The following SYT7 variants were observed in gnomAD, a reference collection of about 807,000 sequenced individuals.
The protein encoded by SYT7 is synaptotagmin 7, also known as synaptotagmin-7.
In SYT7, 29 loss-of-function variants were observed where a neutral mutation model predicts 75.1. That is an observed-to-expected ratio of 0.39 (90% CI 0.29 to 0.53). The LOEUF (loss-of-function observed/expected upper bound fraction) is 0.53, where lower values mean the gene tolerates loss of function less well. Ranked by LOEUF, SYT7 falls within the 20% of genes least tolerant of loss-of-function variation. SYT7 has a pLI of 0.77. For missense variants in SYT7, 693 were observed against 953.2 expected (o/e 0.73, Z 3.59); for synonymous variants, 376 against 401.7 (o/e 0.94, Z 0.76).
At chr11:61,565,511 G>A (rs1156827334) in intron 1 of SYT7, among the ~76,000 whole-genome samples, 1 of 152,210 alleles carries the variant, frequency 6.6e-6, no homozygotes, top group Non-Finnish European at 1.5e-5. Context: ...TCTTTCCACT[G>A]TAAGACTCTC....
chr11:61,547,654 G>C (rs999767487), intron 3 of SYT7, among the ~76,000 whole-genome samples: 1 of 151,678 alleles, frequency 6.6e-6, no homozygotes, highest in Non-Finnish European at 1.5e-5. Context: ...AGAGGAGGGG[G>C]ACAGAGGGGA....
At position 61,517,080 on chromosome 11, in the gene SYT7, C is replaced by A. The variant is rs902683217; in HGVS notation, c.*1547G>T. Reference sequence around the variant, plus strand: ...GTGGAACTGGGGGCTAAGACCACGGCCACAGACTGTGGGGGCCTGGCGCCA... The same window carrying A: ...GTGGAACTGGGGGCTAAGACCACGGACACAGACTGTGGGGGCCTGGCGCCA... On this transcript the variant is annotated 3_prime_UTR_variant, in exon 13 of 13. Coordinates refer to ENST00000539008, the MANE Select transcript of SYT7 (RefSeq NM_001365809.2). The A allele has an allele frequency of 2.3e-5, 9 of 394,650 alleles. No homozygotes were observed. The highest frequency in any genetic ancestry group is 1.8e-4 in the African/African-American group (9 of 48,666). 24.4% of individuals were successfully genotyped at this position (394,650 alleles called of 1,614,324 possible). A position where few individuals can be genotyped will look rare whatever the true frequency, so the allele number is the denominator to read the frequency against.
intron 1 of SYT7, among the ~76,000 whole-genome samples, chr11:61,563,322 T>C (rs1478426553): frequency 1.3e-5 from 2 of 152,190 alleles, no homozygotes; most frequent in African/African-American, 4.8e-5. Context: ...GCAAGGCCCA[T>C]GCTGGGCCTG....
At chr11:61,545,467 G>A (rs968914078) in intron 5 of SYT7, among the ~76,000 whole-genome samples, 2 of 152,246 alleles carry the variant, frequency 1.3e-5, no homozygotes, top group Admixed American at 6.5e-5. Context: ...GCGGCTGCTC[G>A]TGAGTGGCTT....
intron 1 of SYT7, among the ~76,000 whole-genome samples, chr11:61,563,636 C>G (rs1264104010): frequency 6.6e-6 from 1 of 152,208 alleles, no homozygotes; most frequent in East Asian, 1.9e-4. Context: ...CCTAGCCACA[C>G]TTTCCTCTTT....
At position 61,546,053 on chromosome 11, in the gene SYT7, C is replaced by T. The variant is rs77128898; in HGVS notation, c.550G>A (p.Ala184Thr). ...CACTTGGACAAGTTGAGCTTCCCTG[C>T]GGCCAGGTGGCTCTGCACCGTCCGC... Reference protein sequence around the residue: ...RWRTVQSHLAAGKLNLSNFED... With the variant: ...RWRTVQSHLATGKLNLSNFED... The change falls in exon 5 of 13, where the codon GCA becomes ACA. Residue 184 changes from alanine (A) to threonine (T), a missense_variant. Coordinates refer to ENST00000539008, the MANE Select transcript of SYT7 (RefSeq NM_001365809.2). The surrounding 1 kb of genome is among the most constrained non-coding windows in gnomAD (Gnocchi z 7.6). The T allele has an allele frequency of 0.032, 49,392 of 1,533,318 alleles. 958 individuals are homozygous for T. The highest frequency in any genetic ancestry group is 0.037 in the Non-Finnish European group (42,151 of 1,145,694). 95.0% of individuals were successfully genotyped at this position (1,533,318 alleles called of 1,614,324 possible).
chr11:61,556,794 C>T (rs1437550727), intron 1 of SYT7, among the ~76,000 whole-genome samples: 1 of 152,182 alleles, frequency 6.6e-6, no homozygotes, highest in African/African-American at 2.4e-5. Context: ...CTCTGGAACC[C>T]TCTGGCCAGC....
At chr11:61,560,700 G>A (rs564388729) in intron 1 of SYT7, among the ~76,000 whole-genome samples, 8 of 152,260 alleles carry the variant, frequency 5.3e-5, no homozygotes, top group Admixed American at 2.6e-4. Flanking sequence ...GCATGTTCTC[G>A]CCTACCAGCC....
chr11:61,551,293 G>T lies in SYT7; in HGVS notation c.215+91C>A. 8.4e-7 allele frequency: 1 copy of T among 1,191,376 alleles called. No individual in the cohort carries two copies. The highest frequency in any genetic ancestry group is 1.2e-6 in the Non-Finnish European group (1 of 810,452). The allele number at this position is 1,191,376 out of a possible 1,614,324, so 73.8% of individuals were successfully genotyped here. Reference sequence around the variant, plus strand: ...GGGTGTGGGGGAAGTGAAAGTGTGTGGTCAGGTCTGTGGGGCTGGGGGAGA... The same window carrying T: ...GGGTGTGGGGGAAGTGAAAGTGTGTTGTCAGGTCTGTGGGGCTGGGGGAGA... On this transcript the variant is annotated intron_variant, in intron 3 of 12. Transcript: ENST00000539008. This position sits in a 1 kb window ranked among gnomAD's most constrained non-coding sequence, Gnocchi z 5.3.
rs752518571 is a variant in SYT7, at chr11:61,534,871, C to T, written c.1065-1747G>A. Reference sequence around the variant, plus strand: ...ACACACACACACACACGAGAGGACACGTGCTCACACGGGCAGGCAGGGGGA... The same window carrying T: ...ACACACACACACACACGAGAGGACATGTGCTCACACGGGCAGGCAGGGGGA... On this transcript the variant is annotated intron_variant, in intron 7 of 12. Coordinates refer to ENST00000539008, the MANE Select transcript of SYT7 (RefSeq NM_001365809.2). Among the ~76,000 whole-genome samples the T allele has an allele frequency of 1.3e-3, 196 of 152,256 alleles. 1 individual carries two copies. The highest frequency in any genetic ancestry group is 3.4e-3 in the Middle Eastern group (1 of 294).
At chr11:61,559,763 AG>A (rs1749948862) in intron 1 of SYT7, among the ~76,000 whole-genome samples, 1 of 152,186 alleles carries the variant, frequency 6.6e-6, no homozygotes, top group South Asian at 2.1e-4. Context: ...CAGGTCAGAG[AG>A]TCCCTAGGGA....
At position 61,523,870 on chromosome 11, in the gene SYT7, G is replaced by A. The variant is rs1364205506; in HGVS notation, c.1713C>T (p.Ile571=). 1.2e-6 allele frequency: 2 copies of A among 1,614,056 alleles called. No homozygotes were observed. Among genetic ancestry groups the A allele is most frequent in the Non-Finnish European group, 1.7e-6 (2 of 1,179,988 alleles). The change falls in exon 11 of 13, where the codon ATC becomes ATT. Residue 571 remains isoleucine (I), a synonymous_variant. Transcript: ENST00000539008. The surrounding 1 kb of genome is among the most constrained non-coding windows in gnomAD (Gnocchi z 5.0). ...PSANSIIVNI[I]KARNLKAMDI... ...CCATGGCTTTGAGGTTCCGGGCTTT[G>A]ATGATGTTCACGATGATGGAGTTGG... is the stretch of plus-strand genomic sequence containing the variant.
At chr11:61,583,079 T>C (rs1044540930), upstream of SYT7, among the ~76,000 whole-genome samples, 1 of 151,630 alleles carries the variant, frequency 6.6e-6, no homozygotes, top group African/African-American at 2.4e-5. Flanking sequence ...AAAAAAAAAT[T>C]AGCCCAGTGT....
At chr11:61,531,120 A>C in intron 8 of SYT7, 1 of 985,484 alleles carries the variant, frequency 1.0e-6, no homozygotes, top group Non-Finnish European at 1.2e-6. Context: ...GGCTGAGGTC[A>C]CAGTGGGCTG....
At chr11:61,556,229 C>A in intron 1 of SYT7, 22 bp from the exon 2 acceptor site, 2 of 1,601,690 alleles carry the variant, frequency 1.2e-6, no homozygotes, top group South Asian at 2.2e-5. Flanking sequence ...AGGTACAGGT[C>A]ACACCCTCAT....
Position 61,547,260 on chromosome 11 carries a change from C to T in SYT7, c.264G>A (p.Gln88=), listed in dbSNP as rs1287348558. Residue 88 remains glutamine (Q), a synonymous_variant, in exon 4 of 13, where the codon CAG becomes CAA. Transcript: ENST00000539008. ...CCTTGGGAGGGTAGGAGCTCCATTTCTGCTGCACTGTGCTCTCATTGTTAT... is the reference window on the plus strand; with the variant it reads ...CCTTGGGAGGGTAGGAGCTCCATTTTTGCTGCACTGTGCTCTCATTGTTAT... ...FWNNNESTVQ[Q]KWSSYPPKEF... 6.5e-7 allele frequency: 1 copy of T among 1,535,850 alleles called. No individual in the cohort carries two copies. Among genetic ancestry groups the T allele is most frequent in the Non-Finnish European group, 8.7e-7 (1 of 1,146,718 alleles).
At position 61,518,583 on chromosome 11, in the gene SYT7, T is replaced by TGGGGACC; in HGVS notation, c.*37_*43dup. 1.4e-6 allele frequency: 2 copies of TGGGGACC among 1,411,344 alleles called. No homozygotes were observed. The highest frequency in any genetic ancestry group is 1.9e-6 in the Non-Finnish European group (2 of 1,039,300). The allele number at this position is 1,411,344 out of a possible 1,614,324, so 87.4% of individuals were successfully genotyped here. A position where few individuals can be genotyped will look rare whatever the true frequency, so the allele number is the denominator to read the frequency against. On this transcript the variant is annotated 3_prime_UTR_variant, in exon 13 of 13. Transcript: ENST00000539008. ...TGTGCATAAAGTGGTGAGGGCATGA[T>TGGGGACC]GGGGACCTGGGCCCTCGGCCCCCTG...
intron 1 of SYT7, among the ~76,000 whole-genome samples, chr11:61,577,277 C>T (rs1296644144): frequency 1.3e-5 from 2 of 152,252 alleles, no homozygotes; most frequent in Non-Finnish European, 2.9e-5. Context: ...TCCACTGTGT[C>T]CTGGCCTGTG....
upstream of SYT7, among the ~76,000 whole-genome samples, chr11:61,583,197 A>G (rs2064318803): frequency 6.6e-6 from 1 of 151,966 alleles, no homozygotes; most frequent in Admixed American, 6.5e-5. Context: ...ACTGCCCTCC[A>G]ACCCGGGCAA....
Sources: gnomAD v4.1 joint callset for allele counts (sites outside exome capture counted in the v4.1 genomes callset) on GRCh38, gnomAD v4.1.1 for gene constraint, Gnocchi (gnomAD v3.1) non-coding constraint, MANE v1.5 for transcripts, NCBI Gene and HGNC (gene_info 2026-07-23, HGNC 2026-07-21) for gene names.